Variants in MECOM observed in about 807,000 individuals in gnomAD.
The protein encoded by MECOM is histone-lysine N-methyltransferase MECOM.
Under a neutral mutation model 116.3 loss-of-function variants are expected in MECOM, and 13 were observed. That is an observed-to-expected ratio of 0.11 (90% CI 0.07 to 0.18). The LOEUF (loss-of-function observed/expected upper bound fraction) is 0.18. MECOM is among the 10% of genes least tolerant of loss of function. MECOM has a pLI of 1.00. For missense variants in MECOM, 1,299 were observed against 1,509.0 expected (o/e 0.86, Z 2.31); for synonymous variants, 528 against 535.2 (o/e 0.99, Z 0.19).
chr3:169,425,992 C>T (rs985556846), intron 1 of MECOM, among the ~76,000 whole-genome samples: 2 of 152,126 alleles, frequency 1.3e-5, no homozygotes, highest in African/African-American at 4.8e-5. Context: ...AGGTGGTTAT[C>T]TCTGAGGGTG....
intron 12 of MECOM, among the ~76,000 whole-genome samples, chr3:169,100,101 CT>C (rs869032341): frequency 2.1e-3 from 104 of 50,648 alleles, no homozygotes; most frequent in African/African-American, 3.3e-3. Flanking sequence ...TTCTTTCTTT[CT>C]TTTTTTTTTT....
intron 1 of MECOM, among the ~76,000 whole-genome samples, chr3:169,423,060 GTTC>G (rs751568809): frequency 1.3e-5 from 2 of 152,000 alleles, no homozygotes; most frequent in Non-Finnish European, 2.9e-5. Context: ...AATTACCTGA[GTTC>G]TTCTTAAAAT....
chr3:169,339,729 G>A (rs1724168010), intron 2 of MECOM, among the ~76,000 whole-genome samples: 2 of 151,986 alleles, frequency 1.3e-5, no homozygotes, highest in African/African-American at 2.4e-5. Flanking sequence ...AGGATGGGGG[G>A]AAACAAAACA....
chr3:169,518,542 T>C (rs7636253), intron 1 of MECOM, among the ~76,000 whole-genome samples: 78,262 of 151,986 alleles, frequency 0.51, 21,575 homozygotes, highest in African/African-American at 0.73. Flanking sequence ...AATTCAAAGC[T>C]TCATATATAT....
At chr3:169,482,788 T>G (rs768727611) in intron 1 of MECOM, among the ~76,000 whole-genome samples, 9 of 152,208 alleles carry the variant, frequency 5.9e-5, no homozygotes, top group Admixed American at 2.0e-4. Context: ...TTCTGGTGAA[T>G]AACACTGTGA....
chr3:169,625,414 G>T (rs938355233), intron 1 of MECOM, among the ~76,000 whole-genome samples: 1 of 151,946 alleles, frequency 6.6e-6, no homozygotes, highest in Non-Finnish European at 1.5e-5. Context: ...TTTTTGCCAG[G>T]CTCTTAAGCA....
At chr3:169,213,343 A>T (rs1200756503) in intron 2 of MECOM, among the ~76,000 whole-genome samples, 1 of 152,188 alleles carries the variant, frequency 6.6e-6, no homozygotes, top group Admixed American at 6.6e-5. Context: ...GATTACAAAA[A>T]GCAACGAAAA....
intron 1 of MECOM, among the ~76,000 whole-genome samples, chr3:169,468,058 T>C (rs1748597261): frequency 6.6e-6 from 1 of 152,192 alleles, no homozygotes; most frequent in African/African-American, 2.4e-5. Flanking sequence ...TTGCTTGAAG[T>C]TGCGGTAAAA....
intron 2 of MECOM, among the ~76,000 whole-genome samples, chr3:169,157,761 G>A (rs778663865): frequency 4.1e-4 from 63 of 152,146 alleles, no homozygotes; most frequent in Non-Finnish European, 7.5e-4. Context: ...GTAGTTCTTG[G>A]CTGGAAAACA....
At chr3:169,321,567 T>C (rs1221902528) in intron 2 of MECOM, among the ~76,000 whole-genome samples, 2 of 150,276 alleles carry the variant, frequency 1.3e-5, no homozygotes, top group Non-Finnish European at 3.0e-5. Context: ...TTAAATCTGG[T>C]TTAACTGGTT....
chr3:169,120,966 T>C, intron 7 of MECOM, 90 bp downstream of exon 7: 1 of 1,397,876 alleles, frequency 7.2e-7, no homozygotes, highest in Non-Finnish European at 9.7e-7. Context: ...GGTGACCCTC[T>C]AAAGGCCATG....
chr3:169,603,581 C>T (rs1264401673), intron 1 of MECOM, among the ~76,000 whole-genome samples: 1 of 152,194 alleles, frequency 6.6e-6, no homozygotes, highest in African/African-American at 2.4e-5. Context: ...CCTGCAAGCT[C>T]CATGGGTAGC....
At chr3:169,447,385 A>G (rs1918973) in intron 1 of MECOM, among the ~76,000 whole-genome samples, 87,213 of 151,888 alleles carry the variant, frequency 0.57, 25,504 homozygotes, top group East Asian at 0.9. Flanking sequence ...GCAGGATGTG[A>G]GGCTTTGTAG....
chr3:169,560,321 A>G (rs1306409774), intron 1 of MECOM, among the ~76,000 whole-genome samples: 2 of 152,164 alleles, frequency 1.3e-5, no homozygotes, highest in East Asian at 3.8e-4. Flanking sequence ...TAGAGAAACC[A>G]AAGTATTTTT....
chr3:169,583,073 C>T (rs1232328825), intron 1 of MECOM, among the ~76,000 whole-genome samples: 1 of 152,178 alleles, frequency 6.6e-6, no homozygotes, highest in East Asian at 1.9e-4. Flanking sequence ...GCTCCAGTTG[C>T]TCTGTGACCT....
At chr3:169,120,647 T>C (rs1212120192) in intron 7 of MECOM, among the ~76,000 whole-genome samples, 1 of 152,220 alleles carries the variant, frequency 6.6e-6, no homozygotes, top group African/African-American at 2.4e-5. Flanking sequence ...GTGGGCTTCT[T>C]CCAGCTCTTT....
At chr3:169,159,131 C>T (rs1459663798) in intron 2 of MECOM, among the ~76,000 whole-genome samples, 13 of 152,172 alleles carry the variant, frequency 8.5e-5, no homozygotes, top group Admixed American at 8.5e-4. Flanking sequence ...AACACTTGGC[C>T]TCATGAGCAA....
intron 1 of MECOM, among the ~76,000 whole-genome samples, chr3:169,433,536 T>C (rs1245146766): frequency 1.2e-5 from 1 of 82,780 alleles, no homozygotes; most frequent in South Asian, 3.3e-4. Context: ...ACAGACAGAA[T>C]GAAAGAAAGA....
chr3:169,426,216 C>T (rs1033193803), intron 1 of MECOM, among the ~76,000 whole-genome samples: 3 of 151,992 alleles, frequency 2.0e-5, no homozygotes, highest in African/African-American at 4.8e-5. Context: ...TTGCAAAAAG[C>T]CTATGTGAAA....
Sources: allele counts gnomAD v4.1 joint callset (sites outside exome capture counted in the v4.1 genomes callset), GRCh38; gene constraint gnomAD v4.1.1; transcripts MANE v1.5; gene names NCBI Gene and HGNC (gene_info 2026-07-23, HGNC 2026-07-21).